The following OTOR variants were observed in gnomAD, a reference collection of about 807,000 sequenced individuals.
The protein encoded by OTOR is otoraplin, also known as fibrocyte-derived protein.
In OTOR, 20 loss-of-function variants were observed where a neutral mutation model predicts 15.9. That is an observed-to-expected ratio of 1.26 (90% CI 0.89 to 1.83). The LOEUF is 1.83. OTOR is among the 40% of genes most tolerant of loss of function. OTOR has a pLI of 0.00. For missense variants in OTOR, 184 were observed against 159.0 expected (o/e 1.16, Z -0.85); for synonymous variants, 53 against 54.2 (o/e 0.98, Z 0.09).
In OTOR at chr20:16,749,006, T is replaced by C; in HGVS notation, c.255T>C (p.Ser85=). Residue 85 remains serine (S), a splice_region_variant and synonymous_variant, in exon 2 of 4, where the codon AGT becomes AGC. Coordinates refer to ENST00000246081, the MANE Select transcript of OTOR (RefSeq NM_020157.4). ...ENGAGEFWAG[S]VYGDGQDEMG... is the part of the protein sequence containing the mutation. ...GAGCTGGAGAATTTTGGGCTGGCAGTGTAAGATAATTTAAACACCTATTGA... is the reference window on the plus strand; with the variant it reads ...GAGCTGGAGAATTTTGGGCTGGCAGCGTAAGATAATTTAAACACCTATTGA... The C allele has an allele frequency of 7.0e-7, 1 of 1,422,788 alleles. No homozygotes were observed. The allele number at this position is 1,422,788 out of a possible 1,614,324, so 88.1% of individuals were successfully genotyped here.
In OTOR at chr20:16,748,894, A is replaced by G. The variant is rs776484283; in HGVS notation, c.143A>G (p.Glu48Gly). The change falls in exon 2 of 4, where the codon GAA becomes GGA. Residue 48 changes from glutamate to glycine, a missense_variant. Glu to Gly is a moderately conservative substitution (Grantham distance 98). Coordinates refer to ENST00000246081, the MANE Select transcript of OTOR (RefSeq NM_020157.4). ...VYTISLASAQEDYNAPDCRFI... is the reference protein window; with the variant it reads ...VYTISLASAQGDYNAPDCRFI... The stretch of plus-strand genomic sequence containing the variant: ...ACTATTTCTCTGGCTAGTGCTCAAG[A>G]AGATTATAATGCCCCGGACTGTAGA... 2 of 1,600,338 alleles carry G rather than the reference A, an allele frequency of 1.2e-6. No homozygotes were observed. The highest frequency in any genetic ancestry group is 1.7e-6 in the Non-Finnish European group (2 of 1,175,722).
chr20:16,748,968 G>T lies in OTOR; in HGVS notation c.217G>T (p.Val73Leu). The change falls in exon 2 of 4, where the codon GTA (valine) becomes TTA (leucine). Residue 73 changes from valine (V) to leucine (L), a missense_variant. Val to Leu is a conservative substitution (Grantham distance 32). Transcript: ENST00000246081. ...GQQIYVYSKLVKENGAGEFWA... is the reference protein window; with the variant it reads ...GQQIYVYSKLLKENGAGEFWA... The stretch of plus-strand genomic sequence containing the variant: ...GCAGATCTATGTGTACTCAAAGCTG[G>T]TAAAAGAAAATGGAGCTGGAGAATT... 1 of 1,610,638 alleles carries T rather than the reference G, an allele frequency of 6.2e-7. No homozygotes were observed. Among genetic ancestry groups the T allele is most frequent in the South Asian group, 1.1e-5 (1 of 90,542 alleles).
chr20:16,748,738 A>T, intron 1 of OTOR, 129 bp from the exon 2 acceptor site: 1 of 781,022 alleles, frequency 1.3e-6, no homozygotes, highest in African/African-American at 1.8e-5. Flanking sequence ...TTTCTCTTGG[A>T]TAGACACCAG....
rs774025111 is a variant in OTOR at position 16,748,428 on chromosome 20, C to G, written c.27C>G (p.Leu9=). The part of the protein sequence containing the change: MARILLLF[L]PGLVAVCAVH... ...TGGCAAGAATATTGTTACTTTTCCT[C>G]CCGGGTCTTGTGGCTGTATGTGCTG... The change falls in exon 1 of 4, where the codon CTC becomes CTG. Residue 9 remains leucine (L), a synonymous_variant. Transcript: ENST00000246081. The G allele has an allele frequency of 1.2e-6, 2 of 1,612,976 alleles. No individual in the cohort carries two copies. Among genetic ancestry groups the G allele is most frequent in the East Asian group, 2.2e-5 (1 of 44,888 alleles).
intron 3 of OTOR, among the ~76,000 whole-genome samples, chr20:16,750,415 G>A (rs1345362333): frequency 6.7e-6 from 1 of 149,752 alleles, no homozygotes; most frequent in Admixed American, 6.7e-5. Context: ...GTGTGTGTGT[G>A]TGTGTGTGTG....
In OTOR at chr20:16,751,171, G is replaced by C. The variant is rs755886627; in HGVS notation, c.*53G>C. The C allele has an allele frequency of 8.3e-5, 107 of 1,285,338 alleles. No individual in the cohort carries two copies. Among genetic ancestry groups the C allele is most frequent in the Non-Finnish European group, 1.1e-4 (99 of 926,004 alleles). The allele number at this position is 1,285,338 out of a possible 1,614,324, so 79.6% of individuals were successfully genotyped here. A position where few individuals can be genotyped will look rare whatever the true frequency, so the allele number is the denominator to read the frequency against. On this transcript the variant is annotated 3_prime_UTR_variant, in exon 4 of 4. Coordinates refer to ENST00000246081, the MANE Select transcript of OTOR (RefSeq NM_020157.4). ...GAAAACACCAAAAATAAAGAAAAGA[G>C]CAAAAGTGGCCAAAAAATGCATGTC...
rs941320103 is a variant in OTOR, at chr20:16,751,806, G to C, written c.*688G>C. ...AAAGAAGTATGTGTATATTTAATAGGGGAAGGTAGTTTATGGAAATATTTT... is the reference window on the plus strand; with the variant it reads ...AAAGAAGTATGTGTATATTTAATAGCGGAAGGTAGTTTATGGAAATATTTT... On this transcript the variant is annotated 3_prime_UTR_variant, in exon 4 of 4. Coordinates refer to ENST00000246081, the MANE Select transcript of OTOR (RefSeq NM_020157.4). 1.3e-5 allele frequency: 2 copies of C among 152,040 alleles called. No individual in the cohort carries two copies. The highest frequency in any genetic ancestry group is 4.1e-4 in the South Asian group (2 of 4,824). 9.4% of individuals were successfully genotyped at this position (152,040 alleles called of 1,614,324 possible). A position where few individuals can be genotyped will look rare whatever the true frequency, so the allele number is the denominator to read the frequency against.
rs2072528478 is a variant in OTOR, at chr20:16,751,389, C to T, written c.*271C>T. ...TGAGACCAGAAAATTATTTTTTCAACCTAGAGAATCTCCTCTTACAGGGGG... is the reference window on the plus strand; with the variant it reads ...TGAGACCAGAAAATTATTTTTTCAATCTAGAGAATCTCCTCTTACAGGGGG... On this transcript the variant is annotated 3_prime_UTR_variant, in exon 4 of 4. Transcript: ENST00000246081. 4.9e-6 allele frequency: 2 copies of T among 411,958 alleles called. No homozygotes were observed. Among genetic ancestry groups the T allele is most frequent in the South Asian group, 7.1e-5 (2 of 27,980 alleles). The allele number at this position is 411,958 out of a possible 1,614,324, so 25.5% of individuals were successfully genotyped here. A position where few individuals can be genotyped will look rare whatever the true frequency, so the allele number is the denominator to read the frequency against.
At chr20:16,750,513 A>C (rs2072523003) in intron 3 of OTOR, among the ~76,000 whole-genome samples, 1 of 148,786 alleles carries the variant, frequency 6.7e-6, no homozygotes, top group African/African-American at 2.5e-5. Flanking sequence ...TGTCTTGCAA[A>C]GCAGTCTATG....
Position 16,749,655 on chromosome 20 carries a change from C to T in OTOR, c.256-248C>T, listed in dbSNP as rs1408838488. The T allele has an allele frequency of 1.8e-5, 8 of 449,296 alleles. No homozygotes were observed. The Admixed American group carries it at 1.9e-4, about 11-fold the overall frequency. The allele number at this position is 449,296 out of a possible 1,614,324, so 27.8% of individuals were successfully genotyped here. A position where few individuals can be genotyped will look rare whatever the true frequency, so the allele number is the denominator to read the frequency against. ...AGATTTCAGGCAACTCACAAGATTG[C>T]GTAAAATAAAGTCATGCTAAAGTAG... is the stretch of plus-strand genomic sequence containing the variant. On this transcript the variant is annotated intron_variant, in intron 2 of 3. Coordinates refer to ENST00000246081, the MANE Select transcript of OTOR (RefSeq NM_020157.4).
In OTOR at chr20:16,748,950, T is replaced by C; in HGVS notation, c.199T>C (p.Tyr67His). 6.2e-7 allele frequency: 1 copy of C among 1,612,434 alleles called. No homozygotes were observed. ...TAACGTTAAAAAAGGGCAGCAGATC[T>C]ATGTGTACTCAAAGCTGGTAAAAGA... is the stretch of plus-strand genomic sequence containing the variant. ...FINVKKGQQI[Y>H]VYSKLVKENG... The change falls in exon 2 of 4, where the codon TAT becomes CAT. Residue 67 changes from tyrosine to histidine, a missense_variant. Transcript: ENST00000246081.
rs536365885 is a variant in OTOR at position 16,751,961 on chromosome 20, C to G, written c.*843C>G. 1.5e-4 allele frequency: 23 copies of G among 152,168 alleles called. No individual in the cohort carries two copies. Among genetic ancestry groups the G allele is most frequent in the African/African-American group, 5.5e-4 (23 of 41,542 alleles). The allele number at this position is 152,168 out of a possible 1,614,324, so 9.4% of individuals were successfully genotyped here. ...CTTCTATTTCAACTTTGAATTTCCT[C>G]TTCCTGTGCAAATTCCTCTAGTCAA... is the stretch of plus-strand genomic sequence containing the variant. On this transcript the variant is annotated 3_prime_UTR_variant, in exon 4 of 4. Coordinates refer to ENST00000246081, the MANE Select transcript of OTOR (RefSeq NM_020157.4).
rs2072526597 is a variant in OTOR at position 16,751,124 on chromosome 20, T to C, written c.*6T>C. On this transcript the variant is annotated 3_prime_UTR_variant, in exon 4 of 4. Transcript: ENST00000246081. The stretch of plus-strand genomic sequence containing the variant: ...TTGACTTCTTCTGCGAGTAATAAAT[T>C]AGTTAAAACTGCAAATAGAAAGAAA... The C allele has an allele frequency of 2.6e-6, 4 of 1,525,068 alleles. No homozygotes were observed. The South Asian group carries it at 3.7e-5, about 14-fold the overall frequency. The allele number at this position is 1,525,068 out of a possible 1,614,324, so 94.5% of individuals were successfully genotyped here.
In OTOR at chr20:16,752,078, G is replaced by T. The variant is rs969140090; in HGVS notation, c.*960G>T. 5 of 152,134 alleles carry T rather than the reference G, an allele frequency of 3.3e-5. No homozygotes were observed. The highest frequency in any genetic ancestry group is 1.3e-4 in the Admixed American group (2 of 15,280). 9.4% of individuals were successfully genotyped at this position (152,134 alleles called of 1,614,324 possible). A position where few individuals can be genotyped will look rare whatever the true frequency, so the allele number is the denominator to read the frequency against. On this transcript the variant is annotated 3_prime_UTR_variant, in exon 4 of 4. Transcript: ENST00000246081. ...CTATATTTAACTGGAAATATGCTTT[G>T]ATTTTGTGTTATTAATATAATTCTT...
At chr20:16,750,863 A>G (rs2072524904) in intron 3 of OTOR, among the ~76,000 whole-genome samples, 1 of 152,212 alleles carries the variant, frequency 6.6e-6, no homozygotes, top group Admixed American at 6.5e-5. Context: ...ACTTCTTAGC[A>G]TTATGCTGAA....
intron 3 of OTOR, 111 bp from the exon 4 acceptor site, chr20:16,750,984 C>A: frequency 1.2e-6 from 1 of 845,782 alleles, no homozygotes; most frequent in Non-Finnish European, 1.8e-6. Flanking sequence ...CCTTTACTTA[C>A]TTTAAATCCA....
Position 16,749,886 on chromosome 20 carries a change from T to C in OTOR, c.256-17T>C, listed in dbSNP as rs376690650. 6 of 1,555,478 alleles carry C rather than the reference T, an allele frequency of 3.9e-6. No homozygotes were observed. The African/African-American group carries it at 6.8e-5, about 18-fold the overall frequency. On this transcript the variant is annotated splice_polypyrimidine_tract_variant and intron_variant, in intron 2 of 3. Coordinates refer to ENST00000246081, the MANE Select transcript of OTOR (RefSeq NM_020157.4). ...AGCATCAGCTTTTTCCTGATTGCTA[T>C]TCTTCTGGGCACTTAGGTTTATGGT...
rs1386263899 is a variant in OTOR at position 16,749,972 on chromosome 20, C to T, written c.325C>T (p.Arg109Cys). 3.7e-6 allele frequency: 6 copies of T among 1,613,442 alleles called. No individual in the cohort carries two copies. The highest frequency in any genetic ancestry group is 2.2e-5 in the East Asian group (1 of 44,820). The part of the protein sequence containing the change: ...YFPRNLVKEQ[R>C]VYQEATKEVP... ...CCCCAGGAACTTGGTCAAGGAACAG[C>T]GTGTGTACCAGGAAGCTACCAAGGA... is the stretch of plus-strand genomic sequence containing the variant. The change falls in exon 3 of 4, where the codon CGT (arginine) becomes TGT (cysteine). Residue 109 changes from arginine to cysteine, a missense_variant. Coordinates refer to ENST00000246081, the MANE Select transcript of OTOR (RefSeq NM_020157.4).
At chr20:16,751,021 A>G (rs1043628646) in intron 3 of OTOR, 74 bp from the exon 4 acceptor site, 1 of 1,155,286 alleles carries the variant, frequency 8.7e-7, no homozygotes, top group Admixed American at 3.0e-5. Context: ...TATGACTTTA[A>G]ATACAGAATC....
Sources: gnomAD v4.1 joint callset for allele counts (sites outside exome capture counted in the v4.1 genomes callset) on GRCh38, gnomAD v4.1.1 for gene constraint, MANE v1.5 for transcripts, NCBI Gene and HGNC (gene_info 2026-07-23, HGNC 2026-07-21) for gene names.